The following ADARB2 variants were observed in gnomAD, a reference collection of about 807,000 sequenced individuals.
ADARB2 encodes the protein inactive double-stranded RNA-specific editase B2.
ADARB2 carries 25 observed loss-of-function variants against 62.2 expected under a neutral mutation model. The observed-to-expected ratio is 0.40, with a 90% CI of 0.29 to 0.56. The LOEUF (loss-of-function observed/expected upper bound fraction) is 0.56, where lower values mean the gene tolerates loss of function less well. ADARB2 is among the 20% of genes least tolerant of loss of function. The pLI is 0.43. For synonymous variants in ADARB2, 572 were observed against 500.8 expected (o/e 1.14, Z -1.90); for missense variants, 1,071 against 1,077.4 (o/e 0.99, Z 0.08).
At chr10:1,188,923 C>G (rs1836800380) in intron 8 of ADARB2, among the ~76,000 whole-genome samples, 2 of 152,242 alleles carry the variant, frequency 1.3e-5, no homozygotes, top group South Asian at 4.1e-4. Context: ...GTTTCCTTCT[C>G]CAGTGCGGCC....
In ADARB2 at chr10:1,593,322, AGCTCCCCTGGCCCAAACCACACTCTG is replaced by A. The variant is rs1364071596; in HGVS notation, c.100+143703_100+143728del. 1.3e-4 allele frequency among the ~76,000 whole-genome samples: 19 copies of A among 147,084 alleles called. 1 individual carries two copies. Among genetic ancestry groups the A allele is most frequent in the African/African-American group, 3.8e-4 (15 of 39,150 alleles). Reference sequence around the variant, plus strand: ...TCTGGCATGGTCCCCTCTGTCACCCAGCTCCCCTGGCCCAAACCACACTCTGTAGGTCTCCTCTCTGGCATGGTCCC... The same window carrying A: ...TCTGGCATGGTCCCCTCTGTCACCCATAGGTCTCCTCTCTGGCATGGTCCC... On this transcript the variant is annotated intron_variant, in intron 1 of 9. Coordinates refer to ENST00000381312, the MANE Select transcript of ADARB2 (RefSeq NM_018702.4).
At chr10:1,411,895 C>T (rs915521554) in intron 1 of ADARB2, among the ~76,000 whole-genome samples, 3 of 152,202 alleles carry the variant, frequency 2.0e-5, no homozygotes, top group African/African-American at 7.2e-5. Context: ...TTGCTTTCAG[C>T]TAGCAGTATA....
intron 7 of ADARB2, among the ~76,000 whole-genome samples, chr10:1,213,773 AAGG>A (rs1173013357): frequency 2.0e-5 from 3 of 152,170 alleles, no homozygotes; most frequent in Non-Finnish European, 1.5e-5. Context: ...TTTGTTTTTC[AAGG>A]AGATTTTGTT....
chr10:1,619,021 G>T lies in ADARB2; in HGVS notation c.100+118030C>A, dbSNP rs184039167. Among the ~76,000 whole-genome samples the T allele has an allele frequency of 1.6e-3, 251 of 152,282 alleles. 4 individuals carry two copies. In the East Asian group the frequency reaches 0.046, roughly 28 times the overall value. On this transcript the variant is annotated intron_variant, in intron 1 of 9. Transcript: ENST00000381312. ...AATTAATGGATCACCTGGCTTGGAG[G>T]AATGAATGGTGTAAAATAATCAACA...
Position 1,477,611 on chromosome 10 carries a change from G to C in ADARB2, c.101-98451C>G, listed in dbSNP as rs900577803. Among the ~76,000 whole-genome samples the C allele has an allele frequency of 2.0e-5, 3 of 152,214 alleles. No homozygotes were observed. Among genetic ancestry groups the C allele is most frequent in the Admixed American group, 1.3e-4 (2 of 15,290 alleles). On this transcript the variant is annotated intron_variant, in intron 1 of 9. Coordinates refer to ENST00000381312, the MANE Select transcript of ADARB2 (RefSeq NM_018702.4). This position sits in a 1 kb window ranked among gnomAD's most constrained non-coding sequence, Gnocchi z 4.5. ...CCCACAACAACACGGTGATGTGCCA[G>C]AAGCAATGAAAAGCCATCCATACAT...
At chr10:1,438,687 A>C (rs1291242432) in intron 1 of ADARB2, among the ~76,000 whole-genome samples, 1 of 151,876 alleles carries the variant, frequency 6.6e-6, no homozygotes, top group African/African-American at 2.4e-5. Context: ...CTCCCCCCGG[A>C]TAGAGGCAGG....
intron 1 of ADARB2, among the ~76,000 whole-genome samples, chr10:1,578,198 C>T (rs775737743): frequency 1.6e-4 from 25 of 152,264 alleles, no homozygotes; most frequent in East Asian, 5.8e-4. Context: ...CAGCACTTCC[C>T]GCAGCGGAAC....
At chr10:1,591,619 T>C (rs1833254672) in intron 1 of ADARB2, among the ~76,000 whole-genome samples, 1 of 150,836 alleles carries the variant, frequency 6.6e-6, no homozygotes, top group Admixed American at 6.6e-5. Context: ...ATCTCTAGTT[T>C]CCCTGTCTCT....
intron 1 of ADARB2, among the ~76,000 whole-genome samples, chr10:1,678,547 G>A (rs773232803): frequency 2.0e-5 from 3 of 151,880 alleles, no homozygotes; most frequent in African/African-American, 4.8e-5. Context: ...TTTTCAAGTC[G>A]CTTTTTATCC....
chr10:1,193,070 G>C (rs1267309734), intron 8 of ADARB2, among the ~76,000 whole-genome samples: 1 of 152,248 alleles, frequency 6.6e-6, no homozygotes, highest in Non-Finnish European at 1.5e-5. Flanking sequence ...TGTTGAGGGT[G>C]GAAGGCAGGC....
intron 1 of ADARB2, among the ~76,000 whole-genome samples, chr10:1,471,065 A>C (rs986136537): frequency 2.6e-5 from 4 of 152,200 alleles, no homozygotes; most frequent in African/African-American, 9.7e-5. Flanking sequence ...TCTAAAAAAA[A>C]CAAAAACAAA....
In ADARB2 at chr10:1,478,281, G is replaced by A. The variant is rs568200133; in HGVS notation, c.101-99121C>T. The stretch of plus-strand genomic sequence containing the variant: ...ATGGAAGCCCTGGGAACAGCGTCAC[G>A]GACATCAGAGGGGGTGGGTCTTCTG... On this transcript the variant is annotated intron_variant, in intron 1 of 9. Transcript: ENST00000381312. 5.9e-5 allele frequency among the ~76,000 whole-genome samples: 9 copies of A among 152,266 alleles called. No individual in the cohort carries two copies. In the South Asian group the frequency reaches 6.2e-4, roughly 11 times the overall value.
chr10:1,342,208 C>G (rs753797581), intron 3 of ADARB2, among the ~76,000 whole-genome samples: 5 of 152,170 alleles, frequency 3.3e-5, no homozygotes, highest in Admixed American at 6.5e-5. Context: ...TTTTAACCCT[C>G]TGCCTGGATG....
chr10:1,671,188 G>A (rs756378637), intron 1 of ADARB2, among the ~76,000 whole-genome samples: 6 of 152,124 alleles, frequency 3.9e-5, no homozygotes, highest in Non-Finnish European at 7.4e-5. Flanking sequence ...GAGGGTGCTG[G>A]GCGCCGGCAA....
At chr10:1,697,317 GTTCCAGGTC>G (rs1472857100) in intron 1 of ADARB2, among the ~76,000 whole-genome samples, 1 of 152,194 alleles carries the variant, frequency 6.6e-6, no homozygotes, top group African/African-American at 2.4e-5. Flanking sequence ...AAAGCAACAT[GTTCCAGGTC>G]TTCTCCCCTC....
Position 1,292,445 on chromosome 10 carries a change from C to T in ADARB2, c.1078-21376G>A, listed in dbSNP as rs529002244. The T allele has an allele frequency of 8.5e-5, 13 of 152,332 alleles. No individual in the cohort carries two copies. In the East Asian group the frequency reaches 2.5e-3, roughly 29 times the overall value. 9.4% of individuals were successfully genotyped at this position (152,332 alleles called of 1,614,324 possible). A position where few individuals can be genotyped will look rare whatever the true frequency, so the allele number is the denominator to read the frequency against. ...GCTTGTGACCTGAGGCCCTTCTCTA[C>T]TGAGTGATTTTCTTTCAAATCACAG... On this transcript the variant is annotated intron_variant, in intron 3 of 9. Coordinates refer to ENST00000381312, the MANE Select transcript of ADARB2 (RefSeq NM_018702.4).
In ADARB2 at chr10:1,483,041, C is replaced by G. The variant is rs376554909; in HGVS notation, c.101-103881G>C. Among the ~76,000 whole-genome samples, 7 of 152,170 alleles carry G rather than the reference C, an allele frequency of 4.6e-5. No homozygotes were observed. The South Asian group carries it at 6.2e-4, about 14-fold the overall frequency. ...TTCTGGACATGATTTTATTTCATTT[C>G]CTGTTTAGTTACACTAAAAGCATCC... On this transcript the variant is annotated intron_variant, in intron 1 of 9. Coordinates refer to ENST00000381312, the MANE Select transcript of ADARB2 (RefSeq NM_018702.4).
chr10:1,313,231 G>T (rs1043845235), intron 3 of ADARB2, among the ~76,000 whole-genome samples: 1 of 152,144 alleles, frequency 6.6e-6, no homozygotes, highest in African/African-American at 2.4e-5. Flanking sequence ...GGGTGAAGGG[G>T]GATGGGCCCT....
At chr10:1,651,350 C>T (rs1381609670) in intron 1 of ADARB2, among the ~76,000 whole-genome samples, 3 of 152,228 alleles carry the variant, frequency 2.0e-5, no homozygotes, top group Non-Finnish European at 2.9e-5. Flanking sequence ...TTGGCCCTGG[C>T]GAGCCCCAGG....
Sources: allele counts gnomAD v4.1 joint callset (sites outside exome capture counted in the v4.1 genomes callset), GRCh38; gene constraint gnomAD v4.1.1; non-coding constraint Gnocchi (gnomAD v3.1); transcripts MANE v1.5; gene names NCBI Gene and HGNC (gene_info 2026-07-23, HGNC 2026-07-21).